The following DEUP1 variants were observed in gnomAD, a reference collection of about 807,000 sequenced individuals.
DEUP1 encodes deuterosome assembly protein 1, also known as coiled-coil domain containing 67.
Under a neutral mutation model 87.4 loss-of-function variants are expected in DEUP1, and 82 were observed. The observed-to-expected ratio is 0.94, with a 90% CI of 0.78 to 1.13. DEUP1 has a LOEUF of 1.13. Among genes scored for constraint, DEUP1 ranks in the 50% most tolerant of loss-of-function variants. DEUP1 has a pLI of 0.00. For missense variants in DEUP1, 663 were observed against 681.5 expected (o/e 0.97, Z 0.30); for synonymous variants, 214 against 222.7 (o/e 0.96, Z 0.35).
intron 13 of DEUP1, among the ~76,000 whole-genome samples, chr11:93,433,565 T>G (rs2658782): frequency 0.83 from 126,389 of 152,132 alleles, 52,614 homozygotes; most frequent in East Asian, 0.91. Context: ...AAAGAAAGAA[T>G]ATCTTACTCT....
Position 93,389,462 on chromosome 11 carries a change from G to A in DEUP1, c.1041+337G>A, listed in dbSNP as rs143911412. Among the ~76,000 whole-genome samples the A allele has an allele frequency of 5.3e-5, 8 of 152,310 alleles. No homozygotes were observed. In the East Asian group the frequency reaches 1.5e-3, roughly 29 times the overall value. ...AAGCTTGGAGAAGTTTCCTGTGCAAGATACTGAGGAGCCTCATTTCTAAGG... is the reference window on the plus strand; with the variant it reads ...AAGCTTGGAGAAGTTTCCTGTGCAAAATACTGAGGAGCCTCATTTCTAAGG... On this transcript the variant is annotated intron_variant, in intron 9 of 13. Coordinates refer to ENST00000298050, the MANE Select transcript of DEUP1 (RefSeq NM_181645.4).
intron 8 of DEUP1, 75 bp from the exon 9 acceptor site, chr11:93,388,945 T>C (rs1946678218): frequency 3.5e-6 from 3 of 862,180 alleles, no homozygotes. Context: ...TGTAATGGTC[T>C]AAATTAACAA....
chr11:93,437,748 C>T lies in DEUP1; in HGVS notation c.*29C>T. 9.4e-7 allele frequency: 1 copy of T among 1,065,202 alleles called. No individual in the cohort carries two copies. Among genetic ancestry groups the T allele is most frequent in the African/African-American group, 1.9e-5 (1 of 51,288 alleles). The allele number at this position is 1,065,202 out of a possible 1,614,324, so 66.0% of individuals were successfully genotyped here. On this transcript the variant is annotated 3_prime_UTR_variant, in exon 14 of 14. Coordinates refer to ENST00000298050, the MANE Select transcript of DEUP1 (RefSeq NM_181645.4). Reference sequence around the variant, plus strand: ...TTTAAACTTTTTTATTTGCTTCCCCCCCCCACCCCCGCCAAGAAAAAAAGC... The same window carrying T: ...TTTAAACTTTTTTATTTGCTTCCCCTCCCCACCCCCGCCAAGAAAAAAAGC...
intron 8 of DEUP1, 23 bp downstream of exon 8, chr11:93,385,566 TCTGAGAGAA>T (rs774582630): frequency 6.4e-7 from 1 of 1,563,252 alleles, no homozygotes; most frequent in South Asian, 1.2e-5. Flanking sequence ...TATTTGACAA[TCTGAGAGAA>T]CTGTTCAAAA....
Position 93,408,558 on chromosome 11 carries a change from G to C in DEUP1, c.1523+131G>C, listed in dbSNP as rs1947348622. 1.2e-5 allele frequency: 7 copies of C among 602,332 alleles called. No individual in the cohort carries two copies. In the South Asian group the frequency reaches 1.7e-4, roughly 15 times the overall value. The allele number at this position is 602,332 out of a possible 1,614,324, so 37.3% of individuals were successfully genotyped here. ...TAAAATTTATAATGATAATGCAGTA[G>C]ATGAGTAGATAATGTAGGCTAGATA... is the stretch of plus-strand genomic sequence containing the variant. On this transcript the variant is annotated intron_variant, in intron 12 of 13. Coordinates refer to ENST00000298050, the MANE Select transcript of DEUP1 (RefSeq NM_181645.4).
chr11:93,364,904 G>A (rs1017767634), intron 5 of DEUP1, among the ~76,000 whole-genome samples: 4 of 151,934 alleles, frequency 2.6e-5, no homozygotes, highest in Admixed American at 2.0e-4. Flanking sequence ...TATCTTCTTC[G>A]TTTTCCAACC....
At chr11:93,399,777 A>T (rs1406256098) in intron 11 of DEUP1, among the ~76,000 whole-genome samples, 7 of 151,900 alleles carry the variant, frequency 4.6e-5, no homozygotes, top group Admixed American at 2.0e-4. Context: ...CAACAAAAAT[A>T]GATAGTCTTA....
In DEUP1 at chr11:93,348,908, G is replaced by A. The variant is rs115453146; in HGVS notation, c.30-6463G>A. Among the ~76,000 whole-genome samples, 1,155 of 152,196 alleles carry A rather than the reference G, an allele frequency of 7.6e-3. 14 individuals are homozygous for A. Among genetic ancestry groups the A allele is most frequent in the African/African-American group, 0.027 (1,114 of 41,534 alleles). ...ATATATATACATACACACGCAGCAG[G>A]TAATGCTTATCAAGTCTGCAGCTCA... On this transcript the variant is annotated intron_variant, in intron 2 of 13. Coordinates refer to ENST00000298050, the MANE Select transcript of DEUP1 (RefSeq NM_181645.4).
intron 9 of DEUP1, among the ~76,000 whole-genome samples, chr11:93,393,898 T>C (rs532185638): frequency 1.2e-4 from 19 of 152,288 alleles, no homozygotes; most frequent in African/African-American, 4.6e-4. Flanking sequence ...CATGGAAGCT[T>C]AGCCAAGATT....
chr11:93,341,254 C>CA lies in DEUP1; in HGVS notation c.29+8981dup, dbSNP rs200524561. ...GCATCATAACAAGACCCTGTCTCTACAAAAAAAAAAAAAAATTAGCTGGGT... is the reference window on the plus strand; with the variant it reads ...GCATCATAACAAGACCCTGTCTCTACAAAAAAAAAAAAAAAATTAGCTGGGT... On this transcript the variant is annotated intron_variant, in intron 2 of 13. Coordinates refer to ENST00000298050, the MANE Select transcript of DEUP1 (RefSeq NM_181645.4). 8.8e-3 allele frequency among the ~76,000 whole-genome samples: 1,193 copies of CA among 136,172 alleles called. 7 individuals carry two copies. The highest frequency in any genetic ancestry group is 0.03 in the Admixed American group (397 of 13,310). 89.3% of individuals were successfully genotyped at this position (136,172 alleles called of 152,430 possible).
chr11:93,385,817 C>T (rs937687599), intron 8 of DEUP1, among the ~76,000 whole-genome samples: 13 of 151,914 alleles, frequency 8.6e-5, no homozygotes, highest in Non-Finnish European at 1.8e-4. Context: ...TTTGGAAGGC[C>T]GAGGTGGGAG....
chr11:93,394,588 G>T lies in DEUP1; in HGVS notation c.1171G>T (p.Ala391Ser). 6.2e-7 allele frequency: 1 copy of T among 1,613,050 alleles called. No individual in the cohort carries two copies. The change falls in exon 10 of 14, where the codon GCT becomes TCT. Residue 391 changes from alanine to serine, a missense_variant. By Grantham distance (99) the Ala-to-Ser change is moderately conservative. Coordinates refer to ENST00000298050, the MANE Select transcript of DEUP1 (RefSeq NM_181645.4). ...EITIATVTKKAALLEKQLKME... is the reference protein window; with the variant it reads ...EITIATVTKKSALLEKQLKME... ...CACTATAGCAACTGTCACAAAGAAA[G>T]CTGCCCTTCTGGAAAAACAGTTAAA... is the stretch of plus-strand genomic sequence containing the variant.
At chr11:93,332,193 T>G in intron 1 of DEUP1, 23 bp from the exon 2 acceptor site, 1 of 1,425,124 alleles carries the variant, frequency 7.0e-7, no homozygotes, top group South Asian at 1.2e-5. Flanking sequence ...TTTTAGGAAC[T>G]TGTATCATTT....
chr11:93,407,102 C>A (rs1947302399), intron 11 of DEUP1, among the ~76,000 whole-genome samples: 1 of 151,514 alleles, frequency 6.6e-6, no homozygotes, highest in Non-Finnish European at 1.5e-5. Context: ...AGGTCTTCAA[C>A]AACATTCACA....
chr11:93,340,700 A>G (rs1944025018), intron 2 of DEUP1, among the ~76,000 whole-genome samples: 1 of 152,210 alleles, frequency 6.6e-6, no homozygotes, highest in African/African-American at 2.4e-5. Context: ...TTTTCATGAA[A>G]TAGCTGACAA....
intron 8 of DEUP1, among the ~76,000 whole-genome samples, chr11:93,388,137 T>C (rs1237498383): frequency 6.6e-6 from 1 of 152,168 alleles, no homozygotes; most frequent in Non-Finnish European, 1.5e-5. Context: ...AGATCCTCTA[T>C]TTTCAATCTT....
At position 93,408,263 on chromosome 11, in the gene DEUP1, G is replaced by A; in HGVS notation, c.1359G>A (p.Arg453=). 6.3e-7 allele frequency: 1 copy of A among 1,583,274 alleles called. No individual in the cohort carries two copies. The highest frequency in any genetic ancestry group is 8.6e-7 in the Non-Finnish European group (1 of 1,163,560). ...ACTTCACTAACAGGGAACAGTCAAG[G>A]CATACATCTATTAATAAACTGCAAT... ...SMDFTNREQS[R]HTSINKLQYE... Residue 453 remains arginine (R), a synonymous_variant, in exon 12 of 14, where the codon AGG becomes AGA. Coordinates refer to ENST00000298050, the MANE Select transcript of DEUP1 (RefSeq NM_181645.4).
At chr11:93,336,497 T>C (rs1943773626) in intron 2 of DEUP1, among the ~76,000 whole-genome samples, 1 of 152,190 alleles carries the variant, frequency 6.6e-6, no homozygotes, top group Non-Finnish European at 1.5e-5. Flanking sequence ...TCTTTCAGTC[T>C]TTTGTCTCAG....
intron 4 of DEUP1, among the ~76,000 whole-genome samples, chr11:93,362,850 G>T (rs1945237895): frequency 6.6e-6 from 1 of 151,756 alleles, no homozygotes; most frequent in Non-Finnish European, 1.5e-5. Context: ...TTATGCAATG[G>T]AATATTATTC....
Sources: gnomAD v4.1 joint callset for allele counts (sites outside exome capture counted in the v4.1 genomes callset) on GRCh38, gnomAD v4.1.1 for gene constraint, MANE v1.5 for transcripts, NCBI Gene and HGNC (gene_info 2026-07-23, HGNC 2026-07-21) for gene names.